The following TECPR1 variants were observed in gnomAD, a reference collection of about 807,000 sequenced individuals.
The protein encoded by TECPR1 is tectonin beta-propeller repeat containing 1, also known as tectonin beta-propeller repeat-containing protein 1.
A neutral mutation model predicts 162.4 loss-of-function variants in TECPR1; 122 were observed. The ratio of observed to expected loss-of-function variants is 0.75; its 90% CI spans 0.65 to 0.87. The LOEUF (loss-of-function observed/expected upper bound fraction) is 0.87, where lower values mean the gene tolerates loss of function less well. TECPR1 is among the 40% of genes least tolerant of loss of function. The pLI is 0.00. For synonymous variants in TECPR1, 642 were observed against 670.6 expected (o/e 0.96, Z 0.66); for missense variants, 1,432 against 1,618.2 (o/e 0.88, Z 1.97).
At chr7:98,218,147 T>C (rs56009323) in intron 23 of TECPR1, 105 bp from the exon 24 acceptor site, 1 of 886,322 alleles carries the variant, frequency 1.1e-6, no homozygotes, top group Non-Finnish European at 1.7e-6. Flanking sequence ...CACTTCGGGG[T>C]TTGGGAAGCT....
intron 3 of TECPR1, 120 bp from the exon 4 acceptor site, chr7:98,245,187 G>A (rs1798874094): frequency 1.8e-6 from 2 of 1,131,574 alleles, no homozygotes; most frequent in African/African-American, 1.5e-5. Context: ...TTGATCTCCA[G>A]AATAGGAAGT....
At chr7:98,248,486 T>C (rs1304223051) in intron 2 of TECPR1, among the ~76,000 whole-genome samples, 1 of 127,896 alleles carries the variant, frequency 7.8e-6, no homozygotes, top group Non-Finnish European at 1.5e-5. Flanking sequence ...ACTGTGACGA[T>C]GGCACGAGAT....
At position 98,231,280 on chromosome 7, in the gene TECPR1, G is replaced by A. The variant is rs1223944445; in HGVS notation, c.2068C>T (p.Arg690Trp). Reference protein sequence around the residue: ...SFALYTPERTRQRWPVRLAAA... With the variant: ...SFALYTPERTWQRWPVRLAAA... ...GCCAGACGCACCGGCCACCTCTGCCGTGTCCGCTCAGGGGTGTACAGGGCA... is the reference window on the plus strand; with the variant it reads ...GCCAGACGCACCGGCCACCTCTGCCATGTCCGCTCAGGGGTGTACAGGGCA... Residue 690 changes from arginine (R) to tryptophan (W), a missense_variant, in exon 14 of 26, where the codon CGG becomes TGG. Arg to Trp is a moderately radical substitution (Grantham distance 101, BLOSUM62 -3). Coordinates refer to ENST00000447648, the MANE Select transcript of TECPR1 (RefSeq NM_015395.3). The A allele has an allele frequency of 1.1e-5, 18 of 1,613,052 alleles. No individual in the cohort carries two copies. Among genetic ancestry groups the A allele is most frequent in the South Asian group, 4.4e-5 (4 of 90,942 alleles).
Position 98,224,847 on chromosome 7 carries a change from C to T in TECPR1, c.2644G>A (p.Gly882Arg). The T allele has an allele frequency of 6.3e-7, 1 of 1,576,042 alleles. No individual in the cohort carries two copies. Among genetic ancestry groups the T allele is most frequent in the Non-Finnish European group, 8.6e-7 (1 of 1,161,416 alleles). Residue 882 changes from glycine to arginine, a missense_variant, in exon 19 of 26, where the codon GGG becomes AGG. Gly to Arg is a moderately radical substitution (Grantham distance 125). Transcript: ENST00000447648. ...TGCCACCCCTCCTGGTCCGTGCCCC[C>T]CGGAACGCTGAAATCCACGAACCAG... Reference protein sequence around the residue: ...SDWFVDFSVPGGTDQEGWQYA... With the variant: ...SDWFVDFSVPRGTDQEGWQYA...
rs776355226 is a variant in TECPR1, at chr7:98,231,809, TCTC to T, written c.1966_1968del (p.Glu656del). ...CCTGTGGGACCCGTGGGCACCTTCTTCTCCTCGTGGACCACATAGTAGATGAAG... is the reference window on the plus strand; with the variant it reads ...CCTGTGGGACCCGTGGGCACCTTCTTCTCGTGGACCACATAGTAGATGAAG... On this transcript the variant is annotated inframe_deletion, in exon 13 of 26. Transcript: ENST00000447648. The T allele has an allele frequency of 1.9e-6, 3 of 1,610,610 alleles. No homozygotes were observed. Among genetic ancestry groups the T allele is most frequent in the Admixed American group, 3.3e-5 (2 of 59,898 alleles).
At chr7:98,229,931 C>T (rs1046976945) in intron 15 of TECPR1, among the ~76,000 whole-genome samples, 3 of 151,652 alleles carry the variant, frequency 2.0e-5, no homozygotes, top group African/African-American at 7.3e-5. Flanking sequence ...CCCTGCCGGG[C>T]CCTTGTCCTC....
intron 21 of TECPR1, 29 bp from the exon 22 acceptor site, chr7:98,222,550 T>C (rs1798168335): frequency 1.3e-6 from 2 of 1,551,814 alleles, no homozygotes; most frequent in Non-Finnish European, 1.7e-6. Context: ...GGCGCTGAGG[T>C]CACCAGGGCC....
At chr7:98,239,865 C>T (rs967554427) in intron 8 of TECPR1, among the ~76,000 whole-genome samples, 3 of 152,224 alleles carry the variant, frequency 2.0e-5, no homozygotes, top group Non-Finnish European at 4.4e-5. Context: ...AATCCCAGCA[C>T]TTTGGGAGGC....
intron 23 of TECPR1, 111 bp downstream of exon 23, chr7:98,221,550 C>T (rs1376036247): frequency 1.1e-6 from 1 of 881,084 alleles, no homozygotes; most frequent in Admixed American, 2.1e-5. Context: ...TGGTCTCGAA[C>T]TCCTGATCTC....
At chr7:98,244,352 C>T (rs1798844666) in intron 5 of TECPR1, among the ~76,000 whole-genome samples, 1 of 152,246 alleles carries the variant, frequency 6.6e-6, no homozygotes, top group Non-Finnish European at 1.5e-5. Context: ...AAGTTCTGTG[C>T]TGTCCTGGGC....
intron 8 of TECPR1, among the ~76,000 whole-genome samples, chr7:98,240,194 C>T (rs1466413879): frequency 6.6e-6 from 1 of 152,124 alleles, no homozygotes; most frequent in East Asian, 1.9e-4. Context: ...ATGCAAAAGA[C>T]AAGCAGTGAC....
chr7:98,228,023 T>C lies in TECPR1; in HGVS notation c.2504A>G (p.Tyr835Cys). Residue 835 changes from tyrosine to cysteine, a missense_variant, in exon 17 of 26, where the codon TAC (tyrosine) becomes TGC (cysteine). Coordinates refer to ENST00000447648, the MANE Select transcript of TECPR1 (RefSeq NM_015395.3). ...ENQRWNPVTG[Y>C]TSRGLPTDRY... The stretch of plus-strand genomic sequence containing the variant: ...CACCTGTGCCACTTACCTGCTGGTG[T>C]AGCCTGTGACGGGGTTCCAGCGCTG... 1 of 1,612,130 alleles carries C rather than the reference T, an allele frequency of 6.2e-7. No homozygotes were observed. Among genetic ancestry groups the C allele is most frequent in the Non-Finnish European group, 8.5e-7 (1 of 1,179,270 alleles).
chr7:98,236,748 T>G (rs1798609261), intron 10 of TECPR1, 28 bp downstream of exon 10: 1 of 1,585,738 alleles, frequency 6.3e-7, no homozygotes, highest in African/African-American at 1.4e-5. Context: ...CCAGCCTGAC[T>G]CCTGCGCACC....
At chr7:98,237,953 G>T (rs1167796926) in intron 9 of TECPR1, among the ~76,000 whole-genome samples, 2 of 151,872 alleles carry the variant, frequency 1.3e-5, no homozygotes, top group African/African-American at 4.8e-5. Flanking sequence ...TTAAATTTTT[G>T]TAGAGATGGG....
chr7:98,231,626 T>G, intron 13 of TECPR1, 178 bp downstream of exon 13: 9 of 309,104 alleles, frequency 2.9e-5, no homozygotes, highest in Non-Finnish European at 3.2e-5. Flanking sequence ...CTGTACCCCC[T>G]TCCCCGGGCA....
chr7:98,226,381 G>C (rs1798280034), intron 17 of TECPR1: 3 of 926,248 alleles, frequency 3.2e-6, no homozygotes, highest in Non-Finnish European at 2.6e-6. Context: ...ACGCTGAAAA[G>C]GTCACATATG....
chr7:98,231,249 G>A lies in TECPR1; in HGVS notation c.2099C>T (p.Ala700Val). ...CCAGTCATTCATGTCCTGCTCGGTG[G>A]CAGCAGCCAGACGCACCGGCCACCT... Reference protein sequence around the residue: ...RQRWPVRLAAATEQDMNDWLA... With the variant: ...RQRWPVRLAAVTEQDMNDWLA... Residue 700 changes from alanine to valine, a missense_variant, in exon 14 of 26, where the codon GCC (alanine) becomes GTC (valine). Transcript: ENST00000447648. The A allele has an allele frequency of 6.2e-7, 1 of 1,612,888 alleles. No individual in the cohort carries two copies.
At position 98,240,940 on chromosome 7, in the gene TECPR1, A is replaced by G. The variant is rs1016397958; in HGVS notation, c.844T>C (p.Ser282Pro). ...TCAGATCCAGGAGGCTCCACGATGG[A>G]CCAGGAACTTCCTACCGGGCCCCCA... ...NRSNPKGSSW[S>P]IVEPPGSENG... The change falls in exon 8 of 26, where the codon TCC becomes CCC. Residue 282 changes from serine (S) to proline (P), a missense_variant. Coordinates refer to ENST00000447648, the MANE Select transcript of TECPR1 (RefSeq NM_015395.3). The G allele has an allele frequency of 4.4e-6, 7 of 1,606,958 alleles. No individual in the cohort carries two copies. The highest frequency in any genetic ancestry group is 5.9e-6 in the Non-Finnish European group (7 of 1,178,008).
At chr7:98,231,463 TG>T in intron 13 of TECPR1, 90 bp from the exon 14 acceptor site, 1 of 1,402,444 alleles carries the variant, frequency 7.1e-7, no homozygotes, top group Non-Finnish European at 9.6e-7. Context: ...CCTGGGACCC[TG>T]GCCCTCGGAC....
Sources: allele counts gnomAD v4.1 joint callset (sites outside exome capture counted in the v4.1 genomes callset), GRCh38; gene constraint gnomAD v4.1.1; transcripts MANE v1.5; gene names NCBI Gene and HGNC (gene_info 2026-07-23, HGNC 2026-07-21).